Variants in ZFHX3 observed in about 807,000 individuals in gnomAD.
ZFHX3 encodes zinc finger homeobox protein 3.
In ZFHX3, 42 loss-of-function variants were observed where a neutral mutation model predicts 279.1. That is an observed-to-expected ratio of 0.15 (90% confidence interval 0.12 to 0.19). ZFHX3 has a LOEUF of 0.19. ZFHX3 is among the 10% of genes least tolerant of loss of function. ZFHX3 has a pLI of 1.00. For synonymous variants in ZFHX3, 2,293 were observed against 1,957.8 expected, an observed-to-expected ratio of 1.17 and a Z score of -4.52; for missense variants, 4,981 against 4,754.0, an observed-to-expected ratio of 1.05 and a Z score of -1.40.
At chr16:72,800,826 C>G (rs2036077198) in intron 7 of ZFHX3, among the ~76,000 whole-genome samples, 1 of 152,176 alleles carries the variant, frequency 6.6e-6, no homozygotes, top group Admixed American at 6.5e-5. Context: ...ACCAACGTCC[C>G]AGCGATAGAG....
chr16:73,886,231 A>T (rs1034319492), intron 1 of ZFHX3, among the ~76,000 whole-genome samples: 4 of 152,160 alleles, frequency 2.6e-5, no homozygotes, highest in Non-Finnish European at 4.4e-5. Context: ...TTTCTAAAGC[A>T]TTTACTATAA....
At chr16:73,017,768 GCT>G (rs1298863703) in intron 1 of ZFHX3, among the ~76,000 whole-genome samples, 5 of 152,086 alleles carry the variant, frequency 3.3e-5, no homozygotes, top group African/African-American at 1.2e-4. Flanking sequence ...GCCAGAGACT[GCT>G]CTCTCTGGAC....
intron 1 of ZFHX3, among the ~76,000 whole-genome samples, chr16:73,802,423 T>C (rs1960171168): frequency 2.0e-5 from 3 of 152,244 alleles, no homozygotes; most frequent in Admixed American, 2.0e-4. Flanking sequence ...ATTTATCTTT[T>C]GATGACCATG....
chr16:73,352,471 TCTC>T lies in ZFHX3; in HGVS notation c.-1290-34138_-1290-34136del, dbSNP rs372197334. Among the ~76,000 whole-genome samples, 236 of 100,212 alleles carry T rather than the reference TCTC, an allele frequency of 2.4e-3. 3 individuals carry two copies. The highest frequency in any genetic ancestry group is 5.3e-3 in the Middle Eastern group (1 of 188). 65.7% of individuals were successfully genotyped at this position (100,212 alleles called of 152,430 possible). A position where few individuals can be genotyped will look rare whatever the true frequency, so the allele number is the denominator to read the frequency against. On this transcript the variant is annotated intron_variant, in intron 3 of 17. Transcript: ENST00000641206. ...AGCCTTTGGTTTCTCTCTCTCTCTCTCTCTTTTTTTTTTTTTTTTTTTTTTTTT... is the reference window on the plus strand; with the variant it reads ...AGCCTTTGGTTTCTCTCTCTCTCTCTTTTTTTTTTTTTTTTTTTTTTTTTT...
Position 73,300,599 on chromosome 16 carries a change from G to T in ZFHX3, c.-1194+17641C>A, listed in dbSNP as rs1025415860. ...GCTTATTGCAACCTCTGCTCCCCAG[G>T]TTCAGGTGATGCTCATGCCTCAGCC... On this transcript the variant is annotated intron_variant, in intron 4 of 17. Transcript: ENST00000641206. Among the ~76,000 whole-genome samples the T allele has an allele frequency of 3.9e-5, 6 of 152,296 alleles. No individual in the cohort carries two copies. The East Asian group carries it at 9.7e-4, about 25-fold the overall frequency.
intron 5 of ZFHX3, among the ~76,000 whole-genome samples, chr16:73,146,854 G>A (rs1174641849): frequency 6.6e-6 from 1 of 151,866 alleles, no homozygotes; most frequent in South Asian, 2.1e-4. Flanking sequence ...GTGGAATTTC[G>A]CCATGTTGCC....
At chr16:73,104,554 T>C (rs1013661757) in intron 7 of ZFHX3, among the ~76,000 whole-genome samples, 4 of 152,156 alleles carry the variant, frequency 2.6e-5, no homozygotes, top group African/African-American at 7.2e-5. Flanking sequence ...ATGTGACCAT[T>C]TGGGCAAATC....
At chr16:73,154,338 G>C (rs1004395839) in intron 5 of ZFHX3, among the ~76,000 whole-genome samples, 1 of 152,144 alleles carries the variant, frequency 6.6e-6, no homozygotes, top group Non-Finnish European at 1.5e-5. Context: ...GAGAGATCAT[G>C]TCTCCCATCT....
Position 73,089,209 on chromosome 16 carries a change from T to G in ZFHX3, c.-533+4026A>C, listed in dbSNP as rs576976499. Among the ~76,000 whole-genome samples the G allele has an allele frequency of 2.0e-4, 31 of 152,260 alleles. No homozygotes were observed. The South Asian group carries it at 2.3e-3, about 11-fold the overall frequency. On this transcript the variant is annotated intron_variant, in intron 8 of 17. Transcript: ENST00000641206. ...ACCTCCGCCTCCCAGGTTCAAGCAA[T>G]TCTCCTGCTTCAGCCTCCCGAGTAG...
chr16:73,071,190 G>A (rs1407262017), intron 8 of ZFHX3, among the ~76,000 whole-genome samples: 1 of 151,266 alleles, frequency 6.6e-6, no homozygotes, highest in Non-Finnish European at 1.5e-5. Context: ...GGGGAGGAGG[G>A]CCAGGCAAGG....
chr16:72,993,060 T>C (rs1652809770), intron 1 of ZFHX3, among the ~76,000 whole-genome samples: 1 of 152,194 alleles, frequency 6.6e-6, no homozygotes, highest in South Asian at 2.1e-4. Context: ...CGCTTGAACC[T>C]GGGAGGTGGA....
rs1216012040 is a variant in ZFHX3, at chr16:72,957,773, C to A, written c.2373G>T (p.Gly791=). ...TTTTTGGTTTGGTCGGCGAGGGGGCCCCGCAGGAGCTACTGATATTGGCTG... is the reference window on the plus strand; with the variant it reads ...TTTTTGGTTTGGTCGGCGAGGGGGCACCGCAGGAGCTACTGATATTGGCTG... ...AAAANISSSC[G]APSPTKPKTK... The change falls in exon 2 of 10, where the codon GGG becomes GGT. Residue 791 remains glycine (G), a synonymous_variant. Transcript: ENST00000268489. 2 of 1,614,036 alleles carry A rather than the reference C, an allele frequency of 1.2e-6. No individual in the cohort carries two copies. Among genetic ancestry groups the A allele is most frequent in the Non-Finnish European group, 1.7e-6 (2 of 1,180,010 alleles).
chr16:73,189,793 TG>T (rs1430395540), intron 5 of ZFHX3, among the ~76,000 whole-genome samples: 3 of 152,136 alleles, frequency 2.0e-5, no homozygotes, highest in African/African-American at 7.2e-5. Context: ...CTTGTCTGTA[TG>T]GTGAAAGTGT....
intron 1 of ZFHX3, among the ~76,000 whole-genome samples, chr16:73,821,973 C>T (rs982474179): frequency 1.3e-5 from 2 of 152,154 alleles, no homozygotes; most frequent in Non-Finnish European, 2.9e-5. Flanking sequence ...GCAGCCCATT[C>T]CAAAGGCATC....
chr16:72,872,623 A>G (rs1347151075), intron 4 of ZFHX3, among the ~76,000 whole-genome samples: 1 of 152,012 alleles, frequency 6.6e-6, no homozygotes, highest in African/African-American at 2.4e-5. Context: ...ATGTCTGGCT[A>G]ATTTTTTGTA....
chr16:73,528,480 T>C (rs1349135478), intron 2 of ZFHX3, among the ~76,000 whole-genome samples: 1 of 152,228 alleles, frequency 6.6e-6, no homozygotes, highest in Non-Finnish European at 1.5e-5. Flanking sequence ...TTCAATATGG[T>C]CTATGTCTTC....
intron 3 of ZFHX3, among the ~76,000 whole-genome samples, chr16:72,923,534 CA>C (rs1195652936): frequency 3.3e-5 from 5 of 151,364 alleles, no homozygotes. Flanking sequence ...TTTATAAAAT[CA>C]AAATTTCAGG....
chr16:73,539,433 CTTTTTTTTTTTTTTTTT>C (rs1162434013), intron 2 of ZFHX3, among the ~76,000 whole-genome samples: 3 of 65,086 alleles, frequency 4.6e-5, no homozygotes, highest in African/African-American at 1.7e-4. Flanking sequence ...TCCTCTTCTT[CTTTTTTTTTTTTTTTTT>C]TTTTTTTTTT....
At chr16:73,584,577 A>G (rs923445890) in intron 2 of ZFHX3, among the ~76,000 whole-genome samples, 14 of 152,248 alleles carry the variant, frequency 9.2e-5, no homozygotes, top group African/African-American at 3.4e-4. Context: ...TGCCAACATC[A>G]GGGCATTACT....
Sources: gnomAD v4.1 joint callset for allele counts (sites outside exome capture counted in the v4.1 genomes callset) on GRCh38, gnomAD v4.1.1 for gene constraint, MANE v1.5 for transcripts, NCBI Gene and HGNC (gene_info 2026-07-23, HGNC 2026-07-21) for gene names.